The following ASTN2 variants were observed in gnomAD, a reference collection of about 807,000 sequenced individuals.
The protein encoded by ASTN2 is astrotactin 2, also known as astrotactin-2.
Under a neutral mutation model 139.8 loss-of-function variants are expected in ASTN2, and 54 were observed. The observed-to-expected ratio is 0.39, with a 90% CI of 0.31 to 0.48. ASTN2 has a LOEUF of 0.48. Among genes scored for constraint, ASTN2 ranks in the 20% least tolerant of loss-of-function variants. The pLI is 0.95. For synonymous variants in ASTN2, 756 were observed against 719.5 expected, an observed-to-expected ratio of 1.05 and a Z score of -0.81; for missense variants, 1,565 against 1,725.1, an observed-to-expected ratio of 0.91 and a Z score of 1.64.
rs577147943 is a variant in ASTN2 at position 116,854,974 on chromosome 9, C to G, written c.2040+8609G>C. 4.0e-4 allele frequency among the ~76,000 whole-genome samples: 60 copies of G among 151,692 alleles called. No homozygotes were observed. In the South Asian group the frequency reaches 6.8e-3, roughly 17 times the overall value. On this transcript the variant is annotated intron_variant, in intron 11 of 22. Transcript: ENST00000313400. ...GCCTCCCTTCTCATTATTCCCCCCC[C>G]ACCATTATTTCAGGAATCAAAGGGT...
At chr9:117,098,334 G>A (rs1828888235) in intron 4 of ASTN2, among the ~76,000 whole-genome samples, 1 of 152,162 alleles carries the variant, frequency 6.6e-6, no homozygotes. Flanking sequence ...ATGAGTGAAG[G>A]TGGACTTCGA....
chr9:117,248,547 A>G (rs1833449625), intron 2 of ASTN2, among the ~76,000 whole-genome samples: 3 of 152,192 alleles, frequency 2.0e-5, no homozygotes, highest in South Asian at 2.1e-4. Context: ...AGTTAGGTCA[A>G]TCCTTAAGGG....
chr9:117,078,451 A>G (rs7034790), intron 5 of ASTN2, among the ~76,000 whole-genome samples: 24,966 of 152,072 alleles, frequency 0.16, 2,220 homozygotes, highest in African/African-American at 0.22. Context: ...TATGACTCAC[A>G]CTGCATTATC....
chr9:117,015,611 A>G (rs1330789686), intron 6 of ASTN2, among the ~76,000 whole-genome samples: 2 of 152,152 alleles, frequency 1.3e-5, no homozygotes, highest in Non-Finnish European at 2.9e-5. Flanking sequence ...CACTTCCAAC[A>G]TCACTGGATG....
chr9:116,809,987 T>C (rs1831122764), intron 12 of ASTN2, among the ~76,000 whole-genome samples: 1 of 152,162 alleles, frequency 6.6e-6, no homozygotes, highest in Non-Finnish European at 1.5e-5. Context: ...CCTCTTCCCT[T>C]GTTATGGCAA....
intron 13 of ASTN2, among the ~76,000 whole-genome samples, chr9:116,770,333 A>G (rs1375769321): frequency 6.6e-6 from 1 of 152,202 alleles, no homozygotes; most frequent in African/African-American, 2.4e-5. Context: ...ATACCAGACC[A>G]GTCCTTTCCT....
intron 3 of ASTN2, among the ~76,000 whole-genome samples, chr9:117,187,681 A>G (rs1831237120): frequency 6.6e-6 from 1 of 152,200 alleles, no homozygotes; most frequent in Admixed American, 6.5e-5. Context: ...GACTCTGCAG[A>G]CAGTCCCCAT....
chr9:117,169,912 G>C (rs2132921896), intron 3 of ASTN2, among the ~76,000 whole-genome samples: 1 of 152,256 alleles, frequency 6.6e-6, no homozygotes, highest in South Asian at 2.1e-4. Flanking sequence ...CGGCATAACA[G>C]AGTACTTCCT....
chr9:116,651,484 G>A (rs1260710963), intron 17 of ASTN2, 44 bp downstream of exon 17: 1 of 1,597,274 alleles, frequency 6.3e-7, no homozygotes, highest in Non-Finnish European at 8.6e-7. Flanking sequence ...GGAGGTAGGA[G>A]GGCTGGTCAA....
At chr9:117,272,306 C>T (rs934692646) in intron 2 of ASTN2, among the ~76,000 whole-genome samples, 3 of 152,324 alleles carry the variant, frequency 2.0e-5, no homozygotes, top group Admixed American at 6.5e-5. Flanking sequence ...GGCACCAAGT[C>T]CCTAGGCTGC....
At chr9:116,565,222 A>G (rs1853122800) in intron 19 of ASTN2, among the ~76,000 whole-genome samples, 1 of 29,426 alleles carries the variant, frequency 3.4e-5, no homozygotes, top group Middle Eastern at 0.021. Flanking sequence ...ACAAACACAC[A>G]CACACACACA....
chr9:116,522,583 G>T (rs536584864), intron 19 of ASTN2, among the ~76,000 whole-genome samples: 1 of 152,182 alleles, frequency 6.6e-6, no homozygotes, highest in South Asian at 2.1e-4. Flanking sequence ...CAGGTGATGG[G>T]TGCACCAAAA....
chr9:117,181,796 G>A (rs1481097481), intron 3 of ASTN2, among the ~76,000 whole-genome samples: 2 of 152,194 alleles, frequency 1.3e-5, no homozygotes, highest in Non-Finnish European at 2.9e-5. Flanking sequence ...CTCAGTGTTT[G>A]TTATAATGGC....
intron 17 of ASTN2, among the ~76,000 whole-genome samples, chr9:116,649,458 C>A (rs1376264069): frequency 6.6e-6 from 1 of 151,506 alleles, no homozygotes; most frequent in East Asian, 2.0e-4. Flanking sequence ...CCTGTAATCC[C>A]AGCTACTCCG....
rs79970770 is a variant in ASTN2 at position 117,397,673 on chromosome 9, C to T, written c.442+16824G>A. 9.3e-3 allele frequency among the ~76,000 whole-genome samples: 1,419 copies of T among 152,242 alleles called. 13 individuals are homozygous for T. The highest frequency in any genetic ancestry group is 0.015 in the Non-Finnish European group (1,053 of 68,006). On this transcript the variant is annotated intron_variant, in intron 1 of 22. Coordinates refer to ENST00000313400, the MANE Select transcript of ASTN2 (RefSeq NM_001365068.1). ...ATTTTAAGTTAAAATGAAATGTTTA[C>T]GGTGCGTCTATTACTTTTTATGATT...
At chr9:116,565,890 T>G (rs888096813) in intron 19 of ASTN2, among the ~76,000 whole-genome samples, 1 of 152,138 alleles carries the variant, frequency 6.6e-6, no homozygotes, top group African/African-American at 2.4e-5. Context: ...GTAGAAGATC[T>G]AGAGAGAGAC....
intron 22 of ASTN2, among the ~76,000 whole-genome samples, chr9:116,436,567 G>A (rs1437185599): frequency 6.6e-6 from 1 of 152,080 alleles, no homozygotes; most frequent in East Asian, 1.9e-4. Context: ...AAACATACAA[G>A]CAATATAAGA....
chr9:117,031,652 G>A (rs1411602525), intron 6 of ASTN2, among the ~76,000 whole-genome samples: 1 of 152,086 alleles, frequency 6.6e-6, no homozygotes, highest in African/African-American at 2.4e-5. Flanking sequence ...ATTCATAAGG[G>A]AGCTAACAGA....
At chr9:116,861,214 T>C (rs1299117200) in intron 11 of ASTN2, among the ~76,000 whole-genome samples, 5 of 143,660 alleles carry the variant, frequency 3.5e-5, no homozygotes, top group African/African-American at 1.1e-4. Flanking sequence ...AAGCCCAAGC[T>C]ACACACACAC....
Sources: gnomAD v4.1 joint callset for allele counts (sites outside exome capture counted in the v4.1 genomes callset) on GRCh38, gnomAD v4.1.1 for gene constraint, MANE v1.5 for transcripts, NCBI Gene and HGNC (gene_info 2026-07-23, HGNC 2026-07-21) for gene names.